The following SH3GL3 variants were observed in gnomAD, a reference collection of about 807,000 sequenced individuals.
SH3GL3 encodes the protein endophilin-A3.
A neutral mutation model predicts 47.7 loss-of-function variants in SH3GL3; 33 were observed. That is an observed-to-expected ratio of 0.69 (90% CI 0.52 to 0.92). The LOEUF is 0.92. Ranked by LOEUF, SH3GL3 falls within the 40% of genes least tolerant of loss-of-function variation. The pLI, the probability that SH3GL3 is intolerant of heterozygous loss-of-function variation, is 0.00. For synonymous variants in SH3GL3, 155 were observed against 148.8 expected (o/e 1.04, Z -0.30); for missense variants, 363 against 417.8 (o/e 0.87, Z 1.14).
At chr15:83,533,416 G>T (rs2043769421) in intron 1 of SH3GL3, among the ~76,000 whole-genome samples, 1 of 152,172 alleles carries the variant, frequency 6.6e-6, no homozygotes, top group Non-Finnish European at 1.5e-5. Flanking sequence ...AGCTTCTGAA[G>T]ACAAATCGGT....
downstream of SH3GL3, among the ~76,000 whole-genome samples, chr15:83,621,327 G>A (rs541905902): frequency 6.6e-6 from 1 of 152,288 alleles, no homozygotes; most frequent in East Asian, 1.9e-4. Flanking sequence ...TAAAGTGAGA[G>A]ACCTGTGACT....
At chr15:83,541,592 T>C (rs1264924340) in intron 1 of SH3GL3, among the ~76,000 whole-genome samples, 2 of 152,098 alleles carry the variant, frequency 1.3e-5, no homozygotes, top group Non-Finnish European at 2.9e-5. Context: ...ACCAAGGGTG[T>C]ATGAGGGTTC....
At chr15:83,552,763 T>C (rs1036652967) in intron 1 of SH3GL3, among the ~76,000 whole-genome samples, 1 of 152,222 alleles carries the variant, frequency 6.6e-6, no homozygotes, top group Non-Finnish European at 1.5e-5. Flanking sequence ...CAATTTTTTA[T>C]CATGTTTGAT....
intron 1 of SH3GL3, among the ~76,000 whole-genome samples, chr15:83,537,820 G>A (rs2043981226): frequency 6.6e-6 from 1 of 152,006 alleles, no homozygotes; most frequent in Non-Finnish European, 1.5e-5. Flanking sequence ...CACCATTTAT[G>A]ATCTGTCACT....
Position 83,618,063 on chromosome 15 carries a change from C to T in SH3GL3, c.839-19C>T. The T allele has an allele frequency of 6.5e-7, 1 of 1,531,194 alleles. No individual in the cohort carries two copies. Among genetic ancestry groups the T allele is most frequent in the Non-Finnish European group, 9.1e-7 (1 of 1,104,684 alleles). 94.9% of individuals were successfully genotyped at this position (1,531,194 alleles called of 1,614,324 possible). ...CATCATGTTCATCTGTACTTTTTGT[C>T]TCCATATCATGTGGACAGGTTCTAA... On this transcript the variant is annotated intron_variant, in intron 8 of 8. Transcript: ENST00000427482.
intron 1 of SH3GL3, chr15:83,490,838 A>G (rs1273512194): frequency 1.2e-6 from 2 of 1,614,074 alleles, no homozygotes; most frequent in East Asian, 4.5e-5. Flanking sequence ...GAATGAATGG[A>G]TGGAATCTTT....
At chr15:83,600,416 A>G (rs1272429621) in intron 8 of SH3GL3, among the ~76,000 whole-genome samples, 1 of 152,182 alleles carries the variant, frequency 6.6e-6, no homozygotes, top group East Asian at 1.9e-4. Flanking sequence ...ATAGCTTGCC[A>G]ATTATCCCAA....
chr15:83,499,850 C>G (rs1038372009), intron 1 of SH3GL3, among the ~76,000 whole-genome samples: 1 of 152,180 alleles, frequency 6.6e-6, no homozygotes, highest in African/African-American at 2.4e-5. Context: ...ACAGTAGGGC[C>G]TGGCCACAGA....
downstream of SH3GL3, among the ~76,000 whole-genome samples, chr15:83,621,679 G>T (rs1050441662): frequency 6.6e-6 from 1 of 152,180 alleles, no homozygotes; most frequent in Non-Finnish European, 1.5e-5. Context: ...AACGGTTACC[G>T]CAAACCTTCG....
intron 2 of SH3GL3, among the ~76,000 whole-genome samples, chr15:83,563,095 T>C (rs2151750216): frequency 6.6e-6 from 1 of 152,348 alleles, no homozygotes; most frequent in Admixed American, 6.5e-5. Context: ...TCAGGCTGGA[T>C]AAGATTGCTT....
intron 1 of SH3GL3, among the ~76,000 whole-genome samples, chr15:83,483,958 A>C (rs2041483778): frequency 6.6e-6 from 1 of 152,218 alleles, no homozygotes; most frequent in Non-Finnish European, 1.5e-5. Context: ...TCCAGGGAGA[A>C]TGTTGGTGCT....
intron 1 of SH3GL3, among the ~76,000 whole-genome samples, chr15:83,466,951 C>T (rs1184481229): frequency 6.6e-6 from 1 of 152,168 alleles, no homozygotes; most frequent in Non-Finnish European, 1.5e-5. Context: ...TATTAGTCCT[C>T]TGTTGGATAT....
rs554204136 is a variant in SH3GL3, at chr15:83,517,543, T to C, written c.46-41710T>C. Among the ~76,000 whole-genome samples, 6 of 152,236 alleles carry C rather than the reference T, an allele frequency of 3.9e-5. No homozygotes were observed. The South Asian group carries it at 6.2e-4, about 16-fold the overall frequency. On this transcript the variant is annotated intron_variant, in intron 1 of 8. Transcript: ENST00000427482. ...TTAATTTGTGTTTCCCTCATTTTGA[T>C]TGAGGTTGAGAACCTTTTCGTATAT...
At chr15:83,460,036 C>CCCTG (rs2040201808) in intron 1 of SH3GL3, among the ~76,000 whole-genome samples, 1 of 54,768 alleles carries the variant, frequency 1.8e-5, no homozygotes, top group African/African-American at 7.3e-5. Context: ...CTCCCTCCCT[C>CCCTG]CCTCCCTCCC....
chr15:83,480,993 T>C (rs1202625803), intron 1 of SH3GL3, among the ~76,000 whole-genome samples: 1 of 151,982 alleles, frequency 6.6e-6, no homozygotes, highest in African/African-American at 2.4e-5. Context: ...AAATAATTCC[T>C]GGCTGTGCAC....
At chr15:83,497,881 C>T (rs1465477353) in intron 1 of SH3GL3, among the ~76,000 whole-genome samples, 1 of 152,210 alleles carries the variant, frequency 6.6e-6, no homozygotes, top group East Asian at 1.9e-4. Flanking sequence ...CTGGAAACAT[C>T]GTCTACTATG....
At chr15:83,562,605 A>G (rs2045343255) in intron 2 of SH3GL3, among the ~76,000 whole-genome samples, 1 of 152,240 alleles carries the variant, frequency 6.6e-6, no homozygotes, top group African/African-American at 2.4e-5. Flanking sequence ...GAAAATCATT[A>G]TAGTTAATTT....
chr15:83,482,937 A>C (rs2041432344), intron 1 of SH3GL3, among the ~76,000 whole-genome samples: 1 of 152,162 alleles, frequency 6.6e-6, no homozygotes, highest in African/African-American at 2.4e-5. Flanking sequence ...TCTTGATCTC[A>C]ATTTGTCCTT....
chr15:83,462,198 A>G (rs1445549692), intron 1 of SH3GL3, among the ~76,000 whole-genome samples: 4 of 152,240 alleles, frequency 2.6e-5, no homozygotes, highest in African/African-American at 7.2e-5. Flanking sequence ...GCCTGATGCC[A>G]TAGTCAGAGG....
Sources: allele counts gnomAD v4.1 joint callset (sites outside exome capture counted in the v4.1 genomes callset), GRCh38; gene constraint gnomAD v4.1.1; transcripts MANE v1.5; gene names NCBI Gene and HGNC (gene_info 2026-07-23, HGNC 2026-07-21).